SMARCAD1: variants seen among roughly 807,000 people sequenced by gnomAD.
SMARCAD1 encodes SWI/SNF-related matrix-associated actin-dependent regulator of chromatin subfamily A containing DEAD/H box 1.
In SMARCAD1, 25 loss-of-function variants were observed where a neutral mutation model predicts 127.1. The observed-to-expected ratio is 0.20, with a 90% CI of 0.14 to 0.27. The LOEUF (loss-of-function observed/expected upper bound fraction) is 0.27, where lower values mean the gene tolerates loss of function less well. Ranked by LOEUF, SMARCAD1 falls within the 10% of genes least tolerant of loss-of-function variation. The pLI is 1.00. For synonymous variants in SMARCAD1, 400 were observed against 396.9 expected (o/e 1.01, Z -0.09); for missense variants, 807 against 1,206.0 (o/e 0.67, Z 4.90).
chr4:94,252,988 T>C lies in SMARCAD1; in HGVS notation c.1262T>C (p.Phe421Ser), dbSNP rs1251529353. The change falls in exon 9 of 24, where the codon TTT becomes TCT. Residue 421 changes from phenylalanine (F) to serine (S), a missense_variant. By Grantham distance (155) the Phe-to-Ser change is radical (BLOSUM62 -2). This residue lies in a region of SMARCAD1 where 257 missense variants were observed against 303.4 expected (regional missense o/e 0.85). Transcript: ENST00000354268. Reference sequence around the variant, plus strand: ...CAGAAGATAACAGAACTCCGGCCCTTTAATAGTTGGGAGGCTCTGGTAAGG... The same window carrying C: ...CAGAAGATAACAGAACTCCGGCCCTCTAATAGTTGGGAGGCTCTGGTAAGG... ...KAQKITELRPFNSWEALFTKM... is the reference protein window; with the variant it reads ...KAQKITELRPSNSWEALFTKM... 1 of 1,613,176 alleles carries C rather than the reference T, an allele frequency of 6.2e-7. No individual in the cohort carries two copies. The highest frequency in any genetic ancestry group is 1.7e-5 in the Admixed American group (1 of 60,026).
At chr4:94,279,177 C>T in intron 19 of SMARCAD1, 127 bp downstream of exon 19, 4 of 1,169,208 alleles carry the variant, frequency 3.4e-6, no homozygotes, top group Admixed American at 2.2e-5. Flanking sequence ...TTTTTTTTTT[C>T]AGACCAGGTC....
chr4:94,215,209 G>T (rs932800575), intron 2 of SMARCAD1, among the ~76,000 whole-genome samples: 40 of 152,152 alleles, frequency 2.6e-4, no homozygotes, highest in African/African-American at 8.9e-4. Context: ...GTTTCTTAAT[G>T]TCTGTTAATG....
At position 94,270,666 on chromosome 4, in the gene SMARCAD1, T is replaced by C. The variant is rs1455330169; in HGVS notation, c.1482-62T>C. ...ATTTTAGTTTTTATGTGCATTGTAA[T>C]AACTAATAGAAAACTGATAGAAATA... On this transcript the variant is annotated intron_variant, in intron 10 of 23. Transcript: ENST00000354268. 2.1e-6 allele frequency: 3 copies of C among 1,418,990 alleles called. No homozygotes were observed. In the African/African-American group the frequency reaches 4.2e-5, roughly 20 times the overall value. The allele number at this position is 1,418,990 out of a possible 1,614,324, so 87.9% of individuals were successfully genotyped here.
At position 94,279,042 on chromosome 4, in the gene SMARCAD1, A is replaced by C; in HGVS notation, c.2410A>C (p.Met804Leu). 2.5e-6 allele frequency: 4 copies of C among 1,614,164 alleles called. No homozygotes were observed. Among genetic ancestry groups the C allele is most frequent in the Non-Finnish European group, 3.4e-6 (4 of 1,180,024 alleles). Residue 804 changes from methionine to leucine, a missense_variant, in exon 19 of 24, where the codon ATG becomes CTG. Around this residue, in one of 8 missense-constraint regions of SMARCAD1, gnomAD observed 99 missense variants for 126.0 expected, o/e 0.79. Transcript: ENST00000354268. ...AAAACTCAAGGAAATGTCTCAGCTT[A>C]TGCTAAAGGTAAGGATTTCATATTA... ...AEKLKEMSQL[M>L]LKEPTHCEAN...
intron 2 of SMARCAD1, among the ~76,000 whole-genome samples, chr4:94,213,447 T>C (rs754761693): frequency 6.6e-6 from 1 of 152,056 alleles, no homozygotes; most frequent in Non-Finnish European, 1.5e-5. Flanking sequence ...TTTTAGACAA[T>C]ATAGATGAAA....
At chr4:94,243,234 C>T (rs996941338) in intron 6 of SMARCAD1, among the ~76,000 whole-genome samples, 5 of 152,208 alleles carry the variant, frequency 3.3e-5, no homozygotes, top group African/African-American at 9.6e-5. Context: ...CCACTGTGCC[C>T]AACCTATCAG....
intron 2 of SMARCAD1, among the ~76,000 whole-genome samples, chr4:94,216,422 A>G (rs969114293): frequency 4.6e-5 from 7 of 152,102 alleles, no homozygotes; most frequent in African/African-American, 1.4e-4. Flanking sequence ...ACTCATTCAT[A>G]TTTTCCTCTA....
intron 2 of SMARCAD1, among the ~76,000 whole-genome samples, chr4:94,211,519 G>C (rs1217765674): frequency 6.6e-6 from 1 of 152,168 alleles, no homozygotes; most frequent in Non-Finnish European, 1.5e-5. Flanking sequence ...CCCATTGTGG[G>C]ATAATGCTGC....
rs1025048997 is a variant in SMARCAD1, at chr4:94,274,401, C to T, written c.1673-337C>T. Among the ~76,000 whole-genome samples the T allele has an allele frequency of 2.0e-5, 3 of 152,280 alleles. No individual in the cohort carries two copies. In the East Asian group the frequency reaches 5.8e-4, roughly 29 times the overall value. ...AGTGTGGTGGCTCAATCTTGGCTCA[C>T]CGCAACCTCCGCCTCCCAGGTTCTC... On this transcript the variant is annotated intron_variant, in intron 12 of 23. Transcript: ENST00000354268.
At chr4:94,214,421 C>T (rs903368741) in intron 2 of SMARCAD1, among the ~76,000 whole-genome samples, 14 of 140,334 alleles carry the variant, frequency 1.0e-4, no homozygotes, top group South Asian at 5.5e-4. Flanking sequence ...GCCACCACGC[C>T]GGGCTAATTT....
In SMARCAD1 at chr4:94,276,441, C is replaced by T. The variant is rs1371794388; in HGVS notation, c.1911C>T (p.Gly637=). 1.9e-6 allele frequency: 3 copies of T among 1,613,946 alleles called. No individual in the cohort carries two copies. The highest frequency in any genetic ancestry group is 1.3e-5 in the African/African-American group (1 of 74,890). ...AGGGCCATATGCTGAAGAATATGGG[C>T]TCCATTCGCTACCAGCACCTTATGA... is the stretch of plus-strand genomic sequence containing the variant. ...FDEGHMLKNM[G]SIRYQHLMTI... Residue 637 remains glycine, a synonymous_variant, in exon 15 of 24, where the codon GGC becomes GGT. Transcript: ENST00000354268.
At chr4:94,274,849 G>A in intron 13 of SMARCAD1, 41 bp from the exon 14 acceptor site, 2 of 1,599,082 alleles carry the variant, frequency 1.3e-6, no homozygotes, top group South Asian at 1.1e-5. Flanking sequence ...ATAAAGTACA[G>A]CACAATAAAT....
chr4:94,222,811 A>G (rs753739657), intron 2 of SMARCAD1, among the ~76,000 whole-genome samples: 27 of 151,972 alleles, frequency 1.8e-4, no homozygotes, highest in Non-Finnish European at 3.4e-4. Context: ...AAAAAATACA[A>G]AAATTAGCCG....
At chr4:94,268,429 C>T (rs1055544284) in intron 10 of SMARCAD1, among the ~76,000 whole-genome samples, 3 of 152,012 alleles carry the variant, frequency 2.0e-5, no homozygotes, top group Non-Finnish European at 2.9e-5. Context: ...CATGTGGGTC[C>T]TTGGCTGCAT....
At chr4:94,215,354 C>A (rs569543844) in intron 2 of SMARCAD1, among the ~76,000 whole-genome samples, 1 of 152,132 alleles carries the variant, frequency 6.6e-6, no homozygotes, top group Non-Finnish European at 1.5e-5. Flanking sequence ...CACAGTGGCT[C>A]ATGCCTGTAG....
intron 2 of SMARCAD1, among the ~76,000 whole-genome samples, chr4:94,220,281 T>G (rs533120837): frequency 2.6e-5 from 4 of 152,250 alleles, no homozygotes; most frequent in Non-Finnish European, 5.9e-5. Flanking sequence ...GGAATTTTGC[T>G]TTGTTGCCCA....
intron 11 of SMARCAD1, among the ~76,000 whole-genome samples, chr4:94,271,826 T>C (rs1211548666): frequency 2.0e-5 from 3 of 152,208 alleles, no homozygotes; most frequent in Admixed American, 6.5e-5. Flanking sequence ...AAACTAATAA[T>C]AAAATGTAGA....
chr4:94,232,882 A>T (rs1233978039), intron 3 of SMARCAD1, among the ~76,000 whole-genome samples: 1 of 152,132 alleles, frequency 6.6e-6, no homozygotes, highest in Non-Finnish European at 1.5e-5. Context: ...CAGGAGGCTG[A>T]GGTGGGAGGA....
chr4:94,239,235 G>A (rs1010316062), intron 5 of SMARCAD1, among the ~76,000 whole-genome samples: 1 of 152,126 alleles, frequency 6.6e-6, no homozygotes, highest in African/African-American at 2.4e-5. Context: ...AGTATACTAT[G>A]TTATTGAGAC....
Sources: gnomAD v4.1 joint callset for allele counts (sites outside exome capture counted in the v4.1 genomes callset) on GRCh38, gnomAD v4.1.1 for gene constraint, gnomAD v4.1.1 regional missense constraint, MANE v1.5 for transcripts, NCBI Gene and HGNC (gene_info 2026-07-23, HGNC 2026-07-21) for gene names.